The following IKZF4 variants were observed in gnomAD, a reference collection of about 807,000 sequenced individuals.
IKZF4 encodes the protein zinc finger protein Eos.
IKZF4 carries 11 observed loss-of-function variants against 47.7 expected under a neutral mutation model. That is an observed-to-expected ratio of 0.23 (90% CI 0.15 to 0.38). The LOEUF is 0.38. Ranked by LOEUF, IKZF4 falls within the 10% of genes least tolerant of loss-of-function variation. The probability of loss-of-function intolerance (pLI) is 1.00; values close to 1 mark genes in which losing one functional copy is unlikely to be tolerated. For synonymous variants in IKZF4, 298 were observed against 299.4 expected, an observed-to-expected ratio of 1.00 and a Z score of 0.05; for missense variants, 557 against 784.9, an observed-to-expected ratio of 0.71 and a Z score of 3.47.
upstream of IKZF4, among the ~76,000 whole-genome samples, chr12:56,016,801 T>C (rs946880790): frequency 2.0e-5 from 3 of 152,020 alleles, no homozygotes; most frequent in Non-Finnish European, 4.4e-5. Flanking sequence ...GGTTTCTCCA[T>C]GTTGGTCAGG....
chr12:56,015,184 A>C (rs1049561255), intron 2 of IKZF4, among the ~76,000 whole-genome samples: 4 of 150,926 alleles, frequency 2.7e-5, no homozygotes, highest in Admixed American at 2.0e-4. Flanking sequence ...TCAAGCAATT[A>C]TCCTGCCTCA....
intron 2 of IKZF4, among the ~76,000 whole-genome samples, chr12:56,014,294 T>C (rs1279594924): frequency 1.3e-5 from 2 of 152,210 alleles, no homozygotes; most frequent in South Asian, 2.1e-4. Flanking sequence ...GAAAGCTCAG[T>C]TTACTGTTAG....
At chr12:56,024,708 G>A in intron 2 of IKZF4, 1 of 1,155,410 alleles carries the variant, frequency 8.7e-7, no homozygotes, top group Non-Finnish European at 1.1e-6. Context: ...AGGGAAGAAT[G>A]TCTGTCCTGA....
upstream of IKZF4, among the ~76,000 whole-genome samples, chr12:56,016,796 C>A (rs1484695032): frequency 6.6e-6 from 1 of 151,958 alleles, no homozygotes; most frequent in Non-Finnish European, 1.5e-5. Context: ...GATGGGGTTT[C>A]TCCATGTTGG....
chr12:56,026,629 C>T (rs935844413), intron 3 of IKZF4, among the ~76,000 whole-genome samples, 152 bp from the exon 4 acceptor site: 10 of 148,778 alleles, frequency 6.7e-5, no homozygotes, highest in Admixed American at 2.0e-4. Context: ...GTGGAGGTTG[C>T]GTCGAGCCAA....
At chr12:56,018,971 A>C (rs1389634455), upstream of IKZF4, among the ~76,000 whole-genome samples, 1 of 152,070 alleles carries the variant, frequency 6.6e-6, no homozygotes, top group African/African-American at 2.4e-5. Flanking sequence ...TAATCCCAGC[A>C]CTTTGGGAGG....
In IKZF4 at chr12:56,027,927, G is replaced by A. The variant is rs1198157196; in HGVS notation, c.695G>A (p.Gly232Asp). The change falls in exon 5 of 8, where the codon GGT becomes GAT. Residue 232 changes from glycine to aspartate, a missense_variant. Coordinates refer to ENST00000547167, the MANE Select transcript of IKZF4 (RefSeq NM_022465.4). ...TGCCGCCGGCGTGATGCACTCACTG[G>A]TCACCTCCGCACACACTCAGGTCAG... Reference protein sequence around the residue: ...YACRRRDALTGHLRTHSVSSP... With the variant: ...YACRRRDALTDHLRTHSVSSP... 1 of 1,577,612 alleles carries A rather than the reference G, an allele frequency of 6.3e-7. No individual in the cohort carries two copies. Among genetic ancestry groups the A allele is most frequent in the Non-Finnish European group, 8.6e-7 (1 of 1,161,832 alleles).
chr12:56,028,918 A>G (rs999084189), intron 5 of IKZF4, among the ~76,000 whole-genome samples: 2 of 151,836 alleles, frequency 1.3e-5, no homozygotes. Flanking sequence ...TGATGCCACA[A>G]TCCATGCCCT....
At chr12:56,018,228 C>T, upstream of IKZF4, 1 of 1,256,560 alleles carries the variant, frequency 8.0e-7, no homozygotes, top group Non-Finnish European at 1.0e-6. Flanking sequence ...AGACACTCTC[C>T]TGTAGAGCAG....
chr12:56,034,727 G>A lies in IKZF4; in HGVS notation c.1154G>A (p.Arg385His), dbSNP rs772912303. 22 of 1,613,848 alleles carry A rather than the reference G, an allele frequency of 1.4e-5. No homozygotes were observed. Among genetic ancestry groups the A allele is most frequent in the African/African-American group, 9.3e-5 (7 of 74,908 alleles). Residue 385 changes from arginine (R) to histidine (H), a missense_variant, in exon 8 of 8, where the codon CGC (arginine) becomes CAC (histidine). Around this residue, in one of 6 missense-constraint regions of IKZF4, gnomAD observed 280 missense variants for 314.0 expected, o/e 0.89. Coordinates refer to ENST00000547167, the MANE Select transcript of IKZF4 (RefSeq NM_022465.4). ...FVGAEHLRPL[R>H]LPPTNCISEL... ...GGTGCAGAGCATCTGCGTCCCCTCC[G>A]CCTTCCACCCACCAATTGCATCTCA...
At chr12:56,018,300 C>T, upstream of IKZF4, 2 of 601,968 alleles carry the variant, frequency 3.3e-6, no homozygotes, top group Non-Finnish European at 5.3e-6. Flanking sequence ...AGCTAACACT[C>T]ATGCTTGGTG....
Position 56,034,685 on chromosome 12 carries a change from G to C in IKZF4, c.1112G>C (p.Ser371Thr), listed in dbSNP as rs1360556865. 6.2e-7 allele frequency: 1 copy of C among 1,614,060 alleles called. No individual in the cohort carries two copies. The highest frequency in any genetic ancestry group is 8.5e-7 in the Non-Finnish European group (1 of 1,179,900). ...CACAGCCTAGAGCCTGGCTTTGGAA[G>C]TTCCCTGGCCTTTGTGGGTGCAGAG... ...AHHSLEPGFG[S>T]SLAFVGAEHL... The change falls in exon 8 of 8, where the codon AGT (serine) becomes ACT (threonine). Residue 371 changes from serine to threonine, a missense_variant. Ser to Thr is a moderately conservative substitution (Grantham distance 58, BLOSUM62 1). Transcript: ENST00000547167.
In IKZF4 at chr12:56,027,271, C is replaced by T. The variant is rs3802997; in HGVS notation, c.547+230C>T. On this transcript the variant is annotated intron_variant, in intron 4 of 7. Coordinates refer to ENST00000547167, the MANE Select transcript of IKZF4 (RefSeq NM_022465.4). ...AATACCTTTAGTTTCCTGGCACTCT[C>T]CTCAACCGCTGTTATAAAGAAAAGG... Among the ~76,000 whole-genome samples the T allele has an allele frequency of 1.2e-4, 18 of 152,200 alleles. No homozygotes were observed. In the East Asian group the frequency reaches 3.3e-3, roughly 28 times the overall value.
chr12:56,013,579 T>C (rs920972939), intron 2 of IKZF4, among the ~76,000 whole-genome samples: 2 of 152,156 alleles, frequency 1.3e-5, no homozygotes, highest in Non-Finnish European at 2.9e-5. Context: ...CCTCTCCTTA[T>C]ACCTCCTCCT....
intron 3 of IKZF4, among the ~76,000 whole-genome samples, chr12:56,026,151 G>A (rs1893947306): frequency 6.6e-6 from 1 of 151,994 alleles, no homozygotes; most frequent in Admixed American, 6.6e-5. Flanking sequence ...GGCCAGGCTG[G>A]TCTCAAACTC....
Position 56,029,042 on chromosome 12 carries a change from G to C in IKZF4, c.715+1095G>C, listed in dbSNP as rs552998713. Among the ~76,000 whole-genome samples, 9 of 152,204 alleles carry C rather than the reference G, an allele frequency of 5.9e-5. No homozygotes were observed. In the South Asian group the frequency reaches 6.2e-4, roughly 11 times the overall value. On this transcript the variant is annotated intron_variant, in intron 5 of 7. Coordinates refer to ENST00000547167, the MANE Select transcript of IKZF4 (RefSeq NM_022465.4). Reference sequence around the variant, plus strand: ...TTCCTCCCACACCACCAGAGGTCTTGAGCAACCAGTCTGTCCTCTCCTTTA... The same window carrying C: ...TTCCTCCCACACCACCAGAGGTCTTCAGCAACCAGTCTGTCCTCTCCTTTA...
In IKZF4 at chr12:56,035,082, G is replaced by C; in HGVS notation, c.1509G>C (p.Glu503Asp). The C allele has an allele frequency of 6.2e-7, 1 of 1,600,176 alleles. No individual in the cohort carries two copies. Among genetic ancestry groups the C allele is most frequent in the Non-Finnish European group, 8.5e-7 (1 of 1,172,612 alleles). Reference sequence around the variant, plus strand: ...CCAAAGAGGACCCCAAGCCACAGGAGGGGTTATTGCGGGGCACCCCAGGCC... The same window carrying C: ...CCAAAGAGGACCCCAAGCCACAGGACGGGTTATTGCGGGGCACCCCAGGCC... Reference protein sequence around the residue: ...AYAKEDPKPQEGLLRGTPGPS... With the variant: ...AYAKEDPKPQDGLLRGTPGPS... The change falls in exon 8 of 8, where the codon GAG becomes GAC. Residue 503 changes from glutamate (E) to aspartate (D), a missense_variant. This residue lies in a region of IKZF4 where 280 missense variants were observed against 314.0 expected (regional missense o/e 0.89). Transcript: ENST00000547167. This position sits in a 1 kb window ranked among gnomAD's most constrained non-coding sequence, Gnocchi z 6.1.
intron 7 of IKZF4, 124 bp downstream of exon 7, chr12:56,033,445 C>A: frequency 8.3e-7 from 1 of 1,206,544 alleles, no homozygotes; most frequent in Non-Finnish European, 1.2e-6. Flanking sequence ...CAGTGGCTCA[C>A]GTCTGTAATC....
chr12:56,007,926 C>T (rs911879236), intron 1 of IKZF4, among the ~76,000 whole-genome samples: 1 of 151,772 alleles, frequency 6.6e-6, no homozygotes, highest in South Asian at 2.1e-4. Context: ...GGCCCGAGGC[C>T]CCAGTATTAA....
Sources: gnomAD v4.1 joint callset for allele counts (sites outside exome capture counted in the v4.1 genomes callset) on GRCh38, gnomAD v4.1.1 for gene constraint, gnomAD v4.1.1 regional missense constraint, Gnocchi (gnomAD v3.1) non-coding constraint, MANE v1.5 for transcripts, NCBI Gene and HGNC (gene_info 2026-07-23, HGNC 2026-07-21) for gene names.